Variants in SDK1 observed in about 807,000 individuals in gnomAD.
The protein encoded by SDK1 is sidekick cell adhesion molecule 1.
In SDK1, 157 loss-of-function variants were observed where a neutral mutation model predicts 245.5. That is an observed-to-expected ratio of 0.64 (90% CI 0.56 to 0.73). SDK1 has a LOEUF of 0.73. SDK1 is among the 30% of genes least tolerant of loss of function. SDK1 has a pLI of 0.00. For synonymous variants in SDK1, 1,647 were observed against 1,278.5 expected (o/e 1.29, Z -6.15); for missense variants, 3,583 against 3,002.3 (o/e 1.19, Z -4.52).
chr7:3,743,721 A>G (rs1333002016), intron 4 of SDK1, among the ~76,000 whole-genome samples: 1 of 152,180 alleles, frequency 6.6e-6, no homozygotes, highest in African/African-American at 2.4e-5. Context: ...GAGGAGGAAG[A>G]GGGTATATAT....
chr7:3,490,556 A>G (rs1210190500), intron 1 of SDK1, among the ~76,000 whole-genome samples: 1 of 152,222 alleles, frequency 6.6e-6, no homozygotes, highest in Non-Finnish European at 1.5e-5. Flanking sequence ...TCAAGAACTT[A>G]CCATATAGAA....
chr7:3,829,512 C>G (rs1779862055), intron 5 of SDK1, among the ~76,000 whole-genome samples: 1 of 152,178 alleles, frequency 6.6e-6, no homozygotes, highest in Admixed American at 6.5e-5. Flanking sequence ...TGACCCAGAT[C>G]ACAAGAATAG....
At chr7:4,015,630 C>T (rs561926498) in intron 16 of SDK1, among the ~76,000 whole-genome samples, 2 of 152,272 alleles carry the variant, frequency 1.3e-5, no homozygotes, top group African/African-American at 4.8e-5. Flanking sequence ...TTGCTTGGTG[C>T]AGGTCGTTCA....
chr7:3,308,861 A>G (rs2128542670), intron 1 of SDK1, among the ~76,000 whole-genome samples: 1 of 152,206 alleles, frequency 6.6e-6, no homozygotes, highest in Admixed American at 6.5e-5. Context: ...TAATTTTACA[A>G]CGATGAATAG....
At chr7:3,325,910 C>A (rs1407183003) in intron 1 of SDK1, among the ~76,000 whole-genome samples, 1 of 152,088 alleles carries the variant, frequency 6.6e-6, no homozygotes, top group Non-Finnish European at 1.5e-5. Context: ...AACATCCTCC[C>A]CTTTGAGAGG....
At chr7:3,563,159 A>G (rs1333172988) in intron 1 of SDK1, among the ~76,000 whole-genome samples, 1 of 152,208 alleles carries the variant, frequency 6.6e-6, no homozygotes, top group African/African-American at 2.4e-5. Context: ...CCAGCAGAAG[A>G]AAATTGGATC....
intron 1 of SDK1, among the ~76,000 whole-genome samples, chr7:3,366,975 C>T (rs939016275): frequency 9.2e-5 from 14 of 151,754 alleles, no homozygotes; most frequent in Non-Finnish European, 1.6e-4. Flanking sequence ...CTCCTGACCT[C>T]GTGATCCACC....
intron 44 of SDK1, among the ~76,000 whole-genome samples, chr7:4,262,715 C>T (rs1243038356): frequency 7.2e-6 from 1 of 138,586 alleles, no homozygotes; most frequent in Non-Finnish European, 1.6e-5. Context: ...TCACCTCCCC[C>T]ATCCCCTCCC....
chr7:3,956,863 T>A (rs2128127624), intron 7 of SDK1, among the ~76,000 whole-genome samples: 1 of 152,282 alleles, frequency 6.6e-6, no homozygotes, highest in Non-Finnish European at 1.5e-5. Flanking sequence ...GGTCACTGTG[T>A]GGAGTGCCCG....
chr7:3,828,665 TG>T (rs57500539), intron 5 of SDK1, among the ~76,000 whole-genome samples: 69,204 of 95,246 alleles, frequency 0.73, 22,390 homozygotes, highest in East Asian at 0.82. Flanking sequence ...TTTTTTTTTT[TG>T]TTTTTTTGAC....
At chr7:4,172,222 G>A (rs930833027) in intron 32 of SDK1, among the ~76,000 whole-genome samples, 5 of 152,254 alleles carry the variant, frequency 3.3e-5, no homozygotes, top group African/African-American at 1.2e-4. Flanking sequence ...TGGCAGCCCT[G>A]CATGGCAGTG....
chr7:3,997,134 G>C (rs754162073), intron 14 of SDK1, among the ~76,000 whole-genome samples: 1 of 152,140 alleles, frequency 6.6e-6, no homozygotes, highest in Non-Finnish European at 1.5e-5. Flanking sequence ...AGGTTTTCTT[G>C]TTTTTGAACT....
intron 17 of SDK1, among the ~76,000 whole-genome samples, chr7:4,042,850 C>G (rs577659857): frequency 1.6e-3 from 237 of 152,344 alleles, no homozygotes; most frequent in Non-Finnish European, 2.5e-3. Flanking sequence ...GGCTGTAACT[C>G]TTTCTCGCTT....
chr7:3,410,857 G>C (rs1291882459), intron 1 of SDK1, among the ~76,000 whole-genome samples: 1 of 152,030 alleles, frequency 6.6e-6, no homozygotes, highest in Non-Finnish European at 1.5e-5. Flanking sequence ...ACGGTGCTGG[G>C]ATTACATGTT....
intron 3 of SDK1, among the ~76,000 whole-genome samples, chr7:3,641,553 G>A (rs917850993): frequency 6.6e-6 from 1 of 152,164 alleles, no homozygotes; most frequent in Non-Finnish European, 1.5e-5. Flanking sequence ...GGCCGGTGCC[G>A]GGCTGGAACG....
At chr7:3,640,427 A>T (rs1477227850) in intron 3 of SDK1, among the ~76,000 whole-genome samples, 1 of 152,096 alleles carries the variant, frequency 6.6e-6, no homozygotes, top group Non-Finnish European at 1.5e-5. Flanking sequence ...TGAAGTGGAG[A>T]TGCTATACAT....
chr7:3,694,430 G>A (rs1010128740), intron 4 of SDK1, among the ~76,000 whole-genome samples: 1 of 152,178 alleles, frequency 6.6e-6, no homozygotes, highest in Non-Finnish European at 1.5e-5. Context: ...CTTGGCAAGC[G>A]GGGAATAGCA....
chr7:4,205,575 G>C lies in SDK1; in HGVS notation c.5099-304G>C, dbSNP rs370306551. On this transcript the variant is annotated intron_variant, in intron 35 of 44. Coordinates refer to ENST00000404826, the MANE Select transcript of SDK1 (RefSeq NM_152744.4). ...CAAATACTCTGCTAACTGTATCTCGGTATAATTATTTTTCTGTGCAATTCT... is the reference window on the plus strand; with the variant it reads ...CAAATACTCTGCTAACTGTATCTCGCTATAATTATTTTTCTGTGCAATTCT... Among the ~76,000 whole-genome samples the C allele has an allele frequency of 5.9e-5, 9 of 152,266 alleles. 1 individual carries two copies. The South Asian group carries it at 1.9e-3, about 32-fold the overall frequency.
At chr7:3,686,256 A>G (rs1784277814) in intron 4 of SDK1, among the ~76,000 whole-genome samples, 1 of 152,080 alleles carries the variant, frequency 6.6e-6, no homozygotes, top group South Asian at 2.1e-4. Context: ...TTGTATTTTT[A>G]GTAGAGACGG....
Sources: gnomAD v4.1 joint callset for allele counts (sites outside exome capture counted in the v4.1 genomes callset) on GRCh38, gnomAD v4.1.1 for gene constraint, MANE v1.5 for transcripts, NCBI Gene and HGNC (gene_info 2026-07-23, HGNC 2026-07-21) for gene names.